Variants in STK39 observed in about 807,000 individuals in gnomAD.
STK39 encodes the protein STE20/SPS1-related proline-alanine-rich protein kinase.
A neutral mutation model predicts 77.8 loss-of-function variants in STK39; 20 were observed. That is an observed-to-expected ratio of 0.26 (90% CI 0.18 to 0.37). The LOEUF (loss-of-function observed/expected upper bound fraction) is 0.37, where lower values mean the gene tolerates loss of function less well. STK39 is among the 10% of genes least tolerant of loss of function. The pLI, the probability that STK39 is intolerant of heterozygous loss-of-function variation, is 1.00. For missense variants in STK39, 479 were observed against 656.5 expected, an observed-to-expected ratio of 0.73 and a Z score of 2.95; for synonymous variants, 246 against 234.1, an observed-to-expected ratio of 1.05 and a Z score of -0.47.
chr2:168,090,702 G>A (rs1343881034), intron 10 of STK39, among the ~76,000 whole-genome samples: 3 of 152,180 alleles, frequency 2.0e-5, no homozygotes, highest in Admixed American at 1.3e-4. Context: ...TCTGGGCCAA[G>A]AGTCTCACCC....
intron 5 of STK39, among the ~76,000 whole-genome samples, chr2:168,146,453 T>C (rs1688142916): frequency 1.3e-5 from 2 of 152,194 alleles, no homozygotes; most frequent in South Asian, 2.1e-4. Context: ...TCCTAAAATG[T>C]AGCTACAATG....
chr2:168,163,609 A>G (rs1270592557), intron 4 of STK39, 130 bp downstream of exon 4: 2 of 1,586,588 alleles, frequency 1.3e-6, no homozygotes, highest in African/African-American at 2.7e-5. Context: ...AGATATGAAC[A>G]TCTGAATTTA....
intron 10 of STK39, among the ~76,000 whole-genome samples, chr2:168,105,375 A>G (rs1686942480): frequency 6.6e-6 from 1 of 152,202 alleles, no homozygotes; most frequent in Non-Finnish European, 1.5e-5. Flanking sequence ...CAAGCTCCAG[A>G]CCATGCAGGT....
At chr2:168,036,492 C>T (rs1419717215) in intron 14 of STK39, among the ~76,000 whole-genome samples, 1 of 152,140 alleles carries the variant, frequency 6.6e-6, no homozygotes, top group Admixed American at 6.5e-5. Flanking sequence ...TTCAACCGCT[C>T]TTGTAAGCTC....
intron 10 of STK39, among the ~76,000 whole-genome samples, chr2:168,076,462 C>T (rs913861429): frequency 6.6e-6 from 1 of 152,140 alleles, no homozygotes; most frequent in African/African-American, 2.4e-5. Context: ...GGAAACAACA[C>T]AGAACTTAAA....
At position 168,247,587 on chromosome 2, in the gene STK39, G is replaced by GA; in HGVS notation, c.-153_-152insT. 1 of 370,120 alleles carries GA rather than the reference G, an allele frequency of 2.7e-6. No individual in the cohort carries two copies. Among genetic ancestry groups the GA allele is most frequent in the Non-Finnish European group, 3.9e-6 (1 of 254,196 alleles). 22.9% of individuals were successfully genotyped at this position (370,120 alleles called of 1,614,324 possible). ...GTCCCCGCCGAAGCCAGCTAGGAGG[G>GA]GAGGGAGCAAGGGAGGCCGAGCTGG... On this transcript the variant is annotated 5_prime_UTR_variant, in exon 1 of 18. Transcript: ENST00000355999.
At chr2:167,960,329 G>A (rs1320594029) in intron 17 of STK39, among the ~76,000 whole-genome samples, 1 of 145,270 alleles carries the variant, frequency 6.9e-6, no homozygotes, top group Non-Finnish European at 1.5e-5. Flanking sequence ...ATCATTTATT[G>A]CTTCATCCAA....
chr2:168,158,590 C>A (rs1371320179), intron 5 of STK39, among the ~76,000 whole-genome samples: 1 of 152,162 alleles, frequency 6.6e-6, no homozygotes, highest in Non-Finnish European at 1.5e-5. Flanking sequence ...ATTTAAGGTC[C>A]TCCTCCTGGA....
chr2:167,958,160 T>C (rs554641042), intron 17 of STK39, among the ~76,000 whole-genome samples: 6 of 152,350 alleles, frequency 3.9e-5, no homozygotes, highest in Admixed American at 3.9e-4. Context: ...GATCTCTTGA[T>C]ACTCTTCAAG....
intron 16 of STK39, among the ~76,000 whole-genome samples, chr2:167,982,840 T>A (rs1018229930): frequency 6.6e-6 from 1 of 152,206 alleles, no homozygotes; most frequent in African/African-American, 2.4e-5. Context: ...AAGCTTCTCT[T>A]CAGATCTCCA....
intron 16 of STK39, among the ~76,000 whole-genome samples, chr2:167,996,203 C>T (rs889489042): frequency 6.6e-6 from 1 of 152,152 alleles, no homozygotes; most frequent in Admixed American, 6.5e-5. Context: ...TATCCACTCT[C>T]GTGATGTAGG....
chr2:168,108,027 A>C (rs868249063), intron 10 of STK39, among the ~76,000 whole-genome samples: 2 of 152,224 alleles, frequency 1.3e-5, no homozygotes, highest in African/African-American at 4.8e-5. Flanking sequence ...CTGTTTCAAA[A>C]ACCCTGGCAA....
rs181827174 is a variant in STK39, at chr2:168,004,593, C to T, written c.1498+8041G>A. On this transcript the variant is annotated intron_variant, in intron 16 of 17. Transcript: ENST00000355999. ...TAAAAATACAAAAAAATTAGCCTGA[C>T]ATGGTGGTGGGTGCCTGTAGTCCCA... is the stretch of plus-strand genomic sequence containing the variant. Among the ~76,000 whole-genome samples, 600 of 151,848 alleles carry T rather than the reference C, an allele frequency of 4.0e-3. 8 individuals are homozygous for T. The highest frequency in any genetic ancestry group is 0.014 in the African/African-American group (575 of 41,438).
At chr2:168,159,757 A>G (rs1334352742) in intron 5 of STK39, among the ~76,000 whole-genome samples, 1 of 152,202 alleles carries the variant, frequency 6.6e-6, no homozygotes, top group Non-Finnish European at 1.5e-5. Flanking sequence ...TTATTACACA[A>G]GCATGAAGTC....
intron 5 of STK39, among the ~76,000 whole-genome samples, chr2:168,152,729 A>C (rs921002459): frequency 6.6e-6 from 1 of 152,218 alleles, no homozygotes. Flanking sequence ...AGGTAAGTAT[A>C]TTATACAGGT....
intron 16 of STK39, among the ~76,000 whole-genome samples, chr2:167,977,466 A>G (rs1222849741): frequency 6.6e-6 from 1 of 152,200 alleles, no homozygotes; most frequent in Non-Finnish European, 1.5e-5. Flanking sequence ...AGAAAGTAGA[A>G]ATAACAATGC....
At chr2:168,096,345 G>C (rs901407710) in intron 10 of STK39, among the ~76,000 whole-genome samples, 10 of 152,164 alleles carry the variant, frequency 6.6e-5, no homozygotes, top group African/African-American at 2.4e-4. Flanking sequence ...CTGCTTGCTA[G>C]TCATCATGAC....
At chr2:168,195,028 A>G (rs1689434048) in intron 1 of STK39, among the ~76,000 whole-genome samples, 1 of 152,228 alleles carries the variant, frequency 6.6e-6, no homozygotes, top group Admixed American at 6.5e-5. Context: ...TTTTTTTAAC[A>G]GCTAGGCTGA....
intron 10 of STK39, among the ~76,000 whole-genome samples, chr2:168,093,042 C>A (rs1484484089): frequency 1.3e-5 from 2 of 152,186 alleles, no homozygotes; most frequent in Non-Finnish European, 2.9e-5. Context: ...TGCATCTCCC[C>A]CTGGAAGCCC....
Sources: gnomAD v4.1 joint callset for allele counts (sites outside exome capture counted in the v4.1 genomes callset) on GRCh38, gnomAD v4.1.1 for gene constraint, MANE v1.5 for transcripts, NCBI Gene and HGNC (gene_info 2026-07-23, HGNC 2026-07-21) for gene names.